ISG20: variants seen among roughly 807,000 people sequenced by gnomAD.
ISG20 encodes interferon stimulated exonuclease gene 20, also known as interferon-stimulated gene 20 kDa protein.
In ISG20, 8 loss-of-function variants were observed where a neutral mutation model predicts 11.1. That is an observed-to-expected ratio of 0.72 (90% confidence interval 0.42 to 1.30). The LOEUF (loss-of-function observed/expected upper bound fraction) is 1.30, where lower values mean the gene tolerates loss of function less well. Ranked by LOEUF, ISG20 falls within the 50% of genes most tolerant of loss-of-function variation. The pLI is 0.01. For missense variants in ISG20, 243 were observed against 250.2 expected (o/e 0.97, Z 0.19); for synonymous variants, 110 against 101.7 (o/e 1.08, Z -0.49).
chr15:88,653,953 T>C (rs1456865452), intron 3 of ISG20, among the ~76,000 whole-genome samples: 2 of 152,124 alleles, frequency 1.3e-5, no homozygotes, highest in Non-Finnish European at 2.9e-5. Context: ...CTGGGCACAG[T>C]TCTCTCATTC....
chr15:88,655,509 C>G lies in ISG20; in HGVS notation c.524C>G (p.Pro175Arg), dbSNP rs1414605541. The G allele has an allele frequency of 6.2e-7, 1 of 1,613,826 alleles. No individual in the cohort carries two copies. Among genetic ancestry groups the G allele is most frequent in the Admixed American group, 1.7e-5 (1 of 60,034 alleles). The change falls in exon 4 of 4, where the codon CCC (proline) becomes CGC (arginine). Residue 175 changes from proline (P) to arginine (R), a missense_variant. Transcript: ENST00000306072. Reference protein sequence around the residue: ...SQRIRARRGLPRLAVSD With the variant: ...SQRIRARRGLRRLAVSD ...AGAATCCGAGCCCGCCGAGGGCTGC[C>G]CCGCCTGGCTGTGTCAGACTGAAGC...
In ISG20 at chr15:88,650,656, G is replaced by A; in HGVS notation, c.229-1454G>A. 1 of 328,378 alleles carries A rather than the reference G, an allele frequency of 3.0e-6. No individual in the cohort carries two copies. The highest frequency in any genetic ancestry group is 5.7e-6 in the Non-Finnish European group (1 of 174,868). The allele number at this position is 328,378 out of a possible 1,614,324, so 20.3% of individuals were successfully genotyped here. On this transcript the variant is annotated intron_variant, in intron 2 of 3. Coordinates refer to ENST00000306072, the MANE Select transcript of ISG20 (RefSeq NM_002201.6). The surrounding 1 kb of genome is among the most constrained non-coding windows in gnomAD (Gnocchi z 4.0). ...AGGCTGGGGGCTGGAACCATTGGAA[G>A]GTTTGCTCACCCACCTGTCTGGTGG...
chr15:88,641,443 A>T (rs1303365833), intron 2 of ISG20, among the ~76,000 whole-genome samples: 1 of 152,048 alleles, frequency 6.6e-6, no homozygotes, highest in African/African-American at 2.4e-5. Context: ...GCAGTCTGAG[A>T]TCCAGGTGTC....
At chr15:88,638,971 C>T (rs759666431), upstream of ISG20, 5 of 249,288 alleles carry the variant, frequency 2.0e-5, no homozygotes, top group Admixed American at 1.0e-4. Context: ...GTCGGGATGC[C>T]GATGCCGGCT....
At chr15:88,642,098 T>C (rs1003640205) in intron 2 of ISG20, among the ~76,000 whole-genome samples, 1 of 152,076 alleles carries the variant, frequency 6.6e-6, no homozygotes, top group Non-Finnish European at 1.5e-5. Flanking sequence ...CCTGGCTAAT[T>C]TTTTATTTTT....
At position 88,639,276 on chromosome 15, in the gene ISG20, T is replaced by C. The variant is rs562175360; in HGVS notation, c.-24-67T>C. 3.8e-4 allele frequency: 365 copies of C among 971,162 alleles called. No homozygotes were observed. Among genetic ancestry groups the C allele is most frequent in the Non-Finnish European group, 5.2e-4 (339 of 657,002 alleles). 60.2% of individuals were successfully genotyped at this position (971,162 alleles called of 1,614,324 possible). A position where few individuals can be genotyped will look rare whatever the true frequency, so the allele number is the denominator to read the frequency against. On this transcript the variant is annotated intron_variant, in intron 1 of 3. Transcript: ENST00000306072. This position sits in a 1 kb window ranked among gnomAD's most constrained non-coding sequence, Gnocchi z 4.2. ...GGCGGAGGGTAAGGCCAGCTGGGGT[T>C]GGCTGAGGACACCTGGAGGCTTGGT...
chr15:88,639,164 G>T lies in ISG20; in HGVS notation c.-25+88G>T. On this transcript the variant is annotated intron_variant, in intron 1 of 3. Transcript: ENST00000306072. The surrounding 1 kb of genome is among the most constrained non-coding windows in gnomAD (Gnocchi z 4.2). Reference sequence around the variant, plus strand: ...GCTGCGGGGCAGGCCAGAGGCCCTGGGACACACGGGCAGGGTAAGGCAGGG... The same window carrying T: ...GCTGCGGGGCAGGCCAGAGGCCCTGTGACACACGGGCAGGGTAAGGCAGGG... 1.7e-6 allele frequency: 1 copy of T among 595,622 alleles called. No individual in the cohort carries two copies. The highest frequency in any genetic ancestry group is 2.0e-5 in the South Asian group (1 of 49,836). The allele number at this position is 595,622 out of a possible 1,614,324, so 36.9% of individuals were successfully genotyped here.
intron 3 of ISG20, 39 bp downstream of exon 3, chr15:88,652,349 C>A: frequency 8.8e-7 from 1 of 1,134,170 alleles, no homozygotes; most frequent in African/African-American, 1.9e-5. Context: ...CCCCCCTCCT[C>A]CCCCTCCTCC....
At chr15:88,635,781 C>T (rs558411080), upstream of ISG20, among the ~76,000 whole-genome samples, 13 of 152,102 alleles carry the variant, frequency 8.5e-5, no homozygotes, top group South Asian at 1.2e-3. Context: ...CTAGTATTTA[C>T]ATGTATTTTA....
upstream of ISG20, among the ~76,000 whole-genome samples, chr15:88,636,789 G>C (rs1214462240): frequency 6.6e-6 from 1 of 152,194 alleles, no homozygotes; most frequent in Non-Finnish European, 1.5e-5. Flanking sequence ...CCTCAGCCTG[G>C]AGTAACTGGG....
chr15:88,641,997 G>T (rs984551105), intron 2 of ISG20, among the ~76,000 whole-genome samples: 17 of 139,956 alleles, frequency 1.2e-4, no homozygotes, highest in African/African-American at 4.2e-4. Flanking sequence ...GCAGTGGCAC[G>T]ATCTCGGCTC....
chr15:88,653,969 T>C (rs1234123952), intron 3 of ISG20, among the ~76,000 whole-genome samples: 1 of 152,182 alleles, frequency 6.6e-6, no homozygotes, highest in Non-Finnish European at 1.5e-5. Context: ...CATTCCATCC[T>C]TTAAGGCAGG....
Position 88,655,499 on chromosome 15 carries a change from C to G in ISG20, c.514C>G (p.Arg172Gly). 1.9e-6 allele frequency: 3 copies of G among 1,613,768 alleles called. No homozygotes were observed. Among genetic ancestry groups the G allele is most frequent in the Admixed American group, 3.3e-5 (2 of 60,038 alleles). The change falls in exon 4 of 4, where the codon CGA (arginine) becomes GGA (glycine). Residue 172 changes from arginine (R) to glycine (G), a missense_variant. Transcript: ENST00000306072. ...YQISQRIRAR[R>G]GLPRLAVSD ...AATCTCCCAGAGAATCCGAGCCCGC[C>G]GAGGGCTGCCCCGCCTGGCTGTGTC...
upstream of ISG20, chr15:88,638,845 C>T (rs149078837): frequency 3.3e-4 from 54 of 163,206 alleles, 1 homozygote; most frequent in East Asian, 8.5e-3. Flanking sequence ...AGCCCTGACT[C>T]GGCCCGGAGC....
At position 88,650,652 on chromosome 15, in the gene ISG20, G is replaced by A. The variant is rs2058258181; in HGVS notation, c.229-1458G>A. ...TTGAAGGCTGGGGGCTGGAACCATT[G>A]GAAGGTTTGCTCACCCACCTGTCTG... On this transcript the variant is annotated intron_variant, in intron 2 of 3. Coordinates refer to ENST00000306072, the MANE Select transcript of ISG20 (RefSeq NM_002201.6). The surrounding 1 kb of genome is among the most constrained non-coding windows in gnomAD (Gnocchi z 4.0). 3.9e-5 allele frequency: 13 copies of A among 337,584 alleles called. No homozygotes were observed. Among genetic ancestry groups the A allele is most frequent in the South Asian group, 3.4e-4 (12 of 35,664 alleles). The allele number at this position is 337,584 out of a possible 1,614,324, so 20.9% of individuals were successfully genotyped here. A position where few individuals can be genotyped will look rare whatever the true frequency, so the allele number is the denominator to read the frequency against.
chr15:88,643,684 G>A lies in ISG20; in HGVS notation c.228+4090G>A, dbSNP rs1389499717. Among the ~76,000 whole-genome samples the A allele has an allele frequency of 1.3e-5, 2 of 152,140 alleles. No homozygotes were observed. Among genetic ancestry groups the A allele is most frequent in the African/African-American group, 2.4e-5 (1 of 41,426 alleles). On this transcript the variant is annotated intron_variant, in intron 2 of 3. Transcript: ENST00000306072. This position sits in a 1 kb window ranked among gnomAD's most constrained non-coding sequence, Gnocchi z 4.4. ...GTGCCACTGCCACTCCAGCCTGGGCGACAGAGCAAGACCCCATCTCAAAAA... is the reference window on the plus strand; with the variant it reads ...GTGCCACTGCCACTCCAGCCTGGGCAACAGAGCAAGACCCCATCTCAAAAA...
chr15:88,636,920 G>T (rs943077594), upstream of ISG20, among the ~76,000 whole-genome samples: 9 of 152,186 alleles, frequency 5.9e-5, no homozygotes, highest in African/African-American at 2.2e-4. Flanking sequence ...CACATTGGAA[G>T]ACCTTTCAAG....
At chr15:88,635,993 A>G (rs1044684822), upstream of ISG20, among the ~76,000 whole-genome samples, 1 of 152,248 alleles carries the variant, frequency 6.6e-6, no homozygotes, top group Non-Finnish European at 1.5e-5. Flanking sequence ...ACACATACAC[A>G]TTTTAGGCGT....
chr15:88,653,880 A>G (rs963473402), intron 3 of ISG20, among the ~76,000 whole-genome samples: 12 of 152,158 alleles, frequency 7.9e-5, no homozygotes, highest in Non-Finnish European at 7.4e-5. Flanking sequence ...AGCTGCGCGC[A>G]TGGTAGACTG....
Sources: allele counts gnomAD v4.1 joint callset (sites outside exome capture counted in the v4.1 genomes callset), GRCh38; gene constraint gnomAD v4.1.1; non-coding constraint Gnocchi (gnomAD v3.1); transcripts MANE v1.5; gene names NCBI Gene and HGNC (gene_info 2026-07-23, HGNC 2026-07-21).